The following SMARCA2 variants were observed in gnomAD, a reference collection of about 807,000 sequenced individuals.
SMARCA2 encodes the protein SWI/SNF-related matrix-associated actin-dependent regulator of chromatin subfamily A member 2.
Under a neutral mutation model 199.8 loss-of-function variants are expected in SMARCA2, and 61 were observed. The observed-to-expected ratio is 0.31, with a 90% CI of 0.25 to 0.38. The LOEUF (loss-of-function observed/expected upper bound fraction) is 0.38, where lower values mean the gene tolerates loss of function less well. SMARCA2 is among the 10% of genes least tolerant of loss of function. SMARCA2 has a pLI of 1.00. For missense variants in SMARCA2, 1,344 were observed against 2,012.2 expected (o/e 0.67, Z 6.35); for synonymous variants, 935 against 732.0 (o/e 1.28, Z -4.48).
At chr9:2,190,323 G>A (rs990874247) in intron 32 of SMARCA2, among the ~76,000 whole-genome samples, 1 of 138,480 alleles carries the variant, frequency 7.2e-6, no homozygotes, top group African/African-American at 3.2e-5. Flanking sequence ...TAGGTTCACA[G>A]CAGCTTTGTT....
intron 29 of SMARCA2, among the ~76,000 whole-genome samples, chr9:2,179,632 A>G (rs1029494154): frequency 1.3e-5 from 2 of 152,162 alleles, no homozygotes; most frequent in Admixed American, 6.5e-5. Flanking sequence ...TTGTTGCACT[A>G]TCGGTCACAA....
intron 2 of SMARCA2, among the ~76,000 whole-genome samples, chr9:2,030,213 CTTA>C (rs1819002439): frequency 6.6e-6 from 1 of 152,110 alleles, no homozygotes; most frequent in African/African-American, 2.4e-5. Flanking sequence ...TAAAAAGAGA[CTTA>C]TTATGAGGAA....
intron 10 of SMARCA2, among the ~76,000 whole-genome samples, chr9:2,072,382 G>A (rs1298420813): frequency 2.0e-5 from 3 of 152,192 alleles, no homozygotes; most frequent in African/African-American, 7.2e-5. Flanking sequence ...TGATTCTTGT[G>A]TTCCTTGGAT....
intron 3 of SMARCA2, among the ~76,000 whole-genome samples, chr9:2,033,793 TG>T (rs1331295209): frequency 1.3e-5 from 2 of 152,238 alleles, no homozygotes; most frequent in Non-Finnish European, 2.9e-5. Flanking sequence ...TTCCTGGACT[TG>T]CAGATGCATC....
chr9:2,144,847 G>A lies in SMARCA2; in HGVS notation c.3982-16839G>A, dbSNP rs562624578. On this transcript the variant is annotated intron_variant, in intron 27 of 33. Transcript: ENST00000349721. ...TTGCTGATCACAACTCATCTCACCT[G>A]TTGCTGCTGAGGACATCCAGACTTA... 5.3e-5 allele frequency among the ~76,000 whole-genome samples: 8 copies of A among 152,278 alleles called. No individual in the cohort carries two copies. The East Asian group carries it at 1.5e-3, about 29-fold the overall frequency.
chr9:2,048,025 T>G (rs1237227385), intron 5 of SMARCA2: 2 of 152,168 alleles, frequency 1.3e-5, no homozygotes, highest in South Asian at 2.1e-4. Context: ...GGTAAACTCT[T>G]CCTGTAAAGA....
At chr9:2,076,747 C>T (rs1396069885) in intron 13 of SMARCA2, among the ~76,000 whole-genome samples, 1 of 152,036 alleles carries the variant, frequency 6.6e-6, no homozygotes, top group Non-Finnish European at 1.5e-5. Context: ...AAGTGAGAGA[C>T]ACCATTCCTG....
chr9:2,094,664 C>G (rs1166232540), intron 19 of SMARCA2, among the ~76,000 whole-genome samples: 1 of 152,196 alleles, frequency 6.6e-6, no homozygotes, highest in Non-Finnish European at 1.5e-5. Flanking sequence ...ATAGCTATAT[C>G]TTTGGGTCTG....
Position 2,073,360 on chromosome 9 carries a change from C to T in SMARCA2, c.1877+18C>T, listed in dbSNP as rs759619394. On this transcript the variant is annotated intron_variant, in intron 11 of 33. Transcript: ENST00000349721. ...AATCCTGGGTAAGGCATGAAAGCAG[C>T]GTTCATGGTGTTCTTTTAGCTTTTT... is the stretch of plus-strand genomic sequence containing the variant. 18 of 1,613,310 alleles carry T rather than the reference C, an allele frequency of 1.1e-5. No homozygotes were observed. The East Asian group carries it at 1.6e-4, about 14-fold the overall frequency.
intron 9 of SMARCA2, among the ~76,000 whole-genome samples, chr9:2,062,507 C>T (rs1820641573): frequency 6.6e-6 from 1 of 152,186 alleles, no homozygotes; most frequent in Admixed American, 6.5e-5. Context: ...GAGAAAGATA[C>T]ACAATTGAGT....
rs537506061 is a variant in SMARCA2, at chr9:2,023,646, G to C, written c.-36-5341G>C. Among the ~76,000 whole-genome samples, 3 of 152,226 alleles carry C rather than the reference G, an allele frequency of 2.0e-5. No homozygotes were observed. In the South Asian group the frequency reaches 6.2e-4, roughly 32 times the overall value. ...TTGGTAATGTTTCACCGCTTATCCC[G>C]ACAACCTTGGCCTGTAAAAAGGAAA... On this transcript the variant is annotated intron_variant, in intron 1 of 33. Coordinates refer to ENST00000349721, the MANE Select transcript of SMARCA2 (RefSeq NM_003070.5).
At position 2,134,460 on chromosome 9, in the gene SMARCA2, C is replaced by A. The variant is rs557573783; in HGVS notation, c.3981+10523C>A. 4.5e-4 allele frequency among the ~76,000 whole-genome samples: 68 copies of A among 152,300 alleles called. 1 individual carries two copies. The highest frequency in any genetic ancestry group is 1.6e-3 in the African/African-American group (66 of 41,578). ...CTATACTCACTTGGTTATTAACTCTCTTTCCCCTGACTTTCTACCTAGCCG... is the reference window on the plus strand; with the variant it reads ...CTATACTCACTTGGTTATTAACTCTATTTCCCCTGACTTTCTACCTAGCCG... On this transcript the variant is annotated intron_variant, in intron 27 of 33. Transcript: ENST00000349721.
Position 2,104,065 on chromosome 9 carries a change from G to A in SMARCA2, c.3188G>A (p.Arg1063Lys), listed in dbSNP as rs746451934. The change falls in exon 23 of 34, where the codon AGA becomes AAA. Residue 1063 changes from arginine (R) to lysine (K), a missense_variant. Coordinates refer to ENST00000349721, the MANE Select transcript of SMARCA2 (RefSeq NM_003070.5). The surrounding 1 kb of genome is among the most constrained non-coding windows in gnomAD (Gnocchi z 4.0). ...CTTGATCGTATTCTGCCAAAATTGA[G>A]AGCGACTAATCACCGAGTGCTGCTT... ...ELLDRILPKL[R>K]ATNHRVLLFC... The A allele has an allele frequency of 1.2e-5, 20 of 1,613,940 alleles. No homozygotes were observed. The highest frequency in any genetic ancestry group is 1.6e-5 in the Non-Finnish European group (19 of 1,179,998).
intron 5 of SMARCA2, among the ~76,000 whole-genome samples, chr9:2,051,218 T>G (rs1820104297): frequency 1.3e-5 from 2 of 152,218 alleles, no homozygotes; most frequent in African/African-American, 4.8e-5. Flanking sequence ...ATGTGCTGAA[T>G]CAAATGCATA....
At chr9:2,142,947 C>T (rs1281418749) in intron 27 of SMARCA2, among the ~76,000 whole-genome samples, 4 of 151,924 alleles carry the variant, frequency 2.6e-5, no homozygotes, top group Non-Finnish European at 5.9e-5. Context: ...ATTTAAGTGC[C>T]TTTGGAAGCA....
chr9:2,088,879 A>ATTTTTTTTTTTTTTTTTTTTT (rs375056248), intron 19 of SMARCA2, among the ~76,000 whole-genome samples: 1 of 137,970 alleles, frequency 7.2e-6, no homozygotes, highest in African/African-American at 2.9e-5. Context: ...TTAATTTTAG[A>ATTTTTTTTTTTTTTTTTTTTT]TTTTTTTTTT....
intron 27 of SMARCA2, among the ~76,000 whole-genome samples, chr9:2,143,771 C>G (rs749504834): frequency 1.3e-5 from 2 of 152,168 alleles, no homozygotes; most frequent in South Asian, 4.1e-4. Flanking sequence ...AAGTGATAAA[C>G]TTGATTTGTG....
Position 2,182,125 on chromosome 9 carries a change from C to G in SMARCA2, c.4360-16C>G, listed in dbSNP as rs142175015. 8.4e-4 allele frequency: 1,277 copies of G among 1,529,078 alleles called. 10 individuals carry two copies. In the African/African-American group the frequency reaches 0.016, roughly 19 times the overall value. 94.7% of individuals were successfully genotyped at this position (1,529,078 alleles called of 1,614,324 possible). On this transcript the variant is annotated splice_polypyrimidine_tract_variant and intron_variant, in intron 30 of 33. Coordinates refer to ENST00000349721, the MANE Select transcript of SMARCA2 (RefSeq NM_003070.5). ...CTCCCTCTTTTTTTCTCCATTTTCTCCAAAATTTCCATCAGGAAAGGATTC... is the reference window on the plus strand; with the variant it reads ...CTCCCTCTTTTTTTCTCCATTTTCTGCAAAATTTCCATCAGGAAAGGATTC...
chr9:2,149,474 C>T (rs1163357380), intron 27 of SMARCA2, among the ~76,000 whole-genome samples: 1 of 151,474 alleles, frequency 6.6e-6, no homozygotes, highest in Non-Finnish European at 1.5e-5. Context: ...GAGCCACGAA[C>T]ATGCCATTGC....
Sources: allele counts gnomAD v4.1 joint callset (sites outside exome capture counted in the v4.1 genomes callset), GRCh38; gene constraint gnomAD v4.1.1; non-coding constraint Gnocchi (gnomAD v3.1); transcripts MANE v1.5; gene names NCBI Gene and HGNC (gene_info 2026-07-23, HGNC 2026-07-21).